Variants in ZZEF1 observed in about 807,000 individuals in gnomAD.
ZZEF1 encodes zinc finger ZZ-type and EF-hand domain containing 1.
Under a neutral mutation model 342.8 loss-of-function variants are expected in ZZEF1, and 157 were observed. That is an observed-to-expected ratio of 0.46 (90% CI 0.40 to 0.52). The LOEUF is 0.52. Ranked by LOEUF, ZZEF1 falls within the 20% of genes least tolerant of loss-of-function variation. The pLI, the probability that ZZEF1 is intolerant of heterozygous loss-of-function variation, is 0.00. For missense variants in ZZEF1, 3,480 were observed against 3,725.6 expected, an observed-to-expected ratio of 0.93 and a Z score of 1.72; for synonymous variants, 1,505 against 1,429.1, an observed-to-expected ratio of 1.05 and a Z score of -1.20.
chr17:4,139,945 T>C (rs1270512782), intron 1 of ZZEF1, among the ~76,000 whole-genome samples: 1 of 152,252 alleles, frequency 6.6e-6, no homozygotes, highest in African/African-American at 2.4e-5. Flanking sequence ...GCCTGTGGGA[T>C]GTAAGCTATG....
intron 2 of ZZEF1, among the ~76,000 whole-genome samples, chr17:4,123,684 C>T (rs1455297622): frequency 2.6e-5 from 4 of 152,160 alleles, no homozygotes; most frequent in Admixed American, 6.6e-5. Flanking sequence ...ATAAGGAAAG[C>T]GGCCACGTGA....
chr17:4,134,735 A>C (rs2145604708), intron 1 of ZZEF1, among the ~76,000 whole-genome samples: 1 of 152,212 alleles, frequency 6.6e-6, no homozygotes, highest in South Asian at 2.1e-4. Context: ...TCCTGGACTG[A>C]TTCCAGATGC....
At chr17:4,036,491 T>G (rs1404836877) in intron 39 of ZZEF1, among the ~76,000 whole-genome samples, 1 of 151,986 alleles carries the variant, frequency 6.6e-6, no homozygotes. Flanking sequence ...TCCCAGCACT[T>G]TGGGAGGCCG....
rs537174567 is a variant in ZZEF1, at chr17:4,074,264, T to C, written c.3571A>G (p.Thr1191Ala). The change falls in exon 24 of 55, where the codon ACT becomes GCT. Residue 1191 changes from threonine to alanine, a missense_variant. By Grantham distance (58) the Thr-to-Ala change is moderately conservative. Transcript: ENST00000381638. ...GCAACATCGGGCAGCCCACAGGCAG[T>C]GACAGTGAATTTGTAGCCCCATTCG... ...HNEWGYKFTVTACGLPDVAVS... is the reference protein window; with the variant it reads ...HNEWGYKFTVAACGLPDVAVS... 86 of 1,614,112 alleles carry C rather than the reference T, an allele frequency of 5.3e-5. No individual in the cohort carries two copies. In the Admixed American group the frequency reaches 6.2e-4, roughly 12 times the overall value.
At chr17:4,037,375 T>C (rs1175310176) in intron 39 of ZZEF1, among the ~76,000 whole-genome samples, 5 of 152,204 alleles carry the variant, frequency 3.3e-5, no homozygotes, top group Non-Finnish European at 2.9e-5. Context: ...ATCTCATCTG[T>C]GATTTTCCTG....
intron 1 of ZZEF1, among the ~76,000 whole-genome samples, chr17:4,126,046 GAA>G (rs550964245): frequency 1.8e-3 from 271 of 151,946 alleles, no homozygotes; most frequent in East Asian, 5.4e-3. Flanking sequence ...CAAAGATGGT[GAA>G]ACCCCGTCTC....
intron 1 of ZZEF1, among the ~76,000 whole-genome samples, chr17:4,133,475 C>T (rs565342591): frequency 1.3e-5 from 2 of 152,260 alleles, no homozygotes; most frequent in East Asian, 3.9e-4. Flanking sequence ...AACCTCTTAG[C>T]TCCATTACTT....
chr17:4,069,171 C>T (rs1461479593), intron 26 of ZZEF1, among the ~76,000 whole-genome samples: 1 of 152,190 alleles, frequency 6.6e-6, no homozygotes, highest in East Asian at 1.9e-4. Context: ...AGCAGGAAGC[C>T]TTCCATTTCT....
At chr17:4,011,451 G>C (rs955484699) in intron 52 of ZZEF1, among the ~76,000 whole-genome samples, 2 of 151,904 alleles carry the variant, frequency 1.3e-5, no homozygotes, top group African/African-American at 4.8e-5. Flanking sequence ...TTTTCAGGTG[G>C]GCTTATGAAA....
At chr17:4,118,792 A>C (rs2058438347) in intron 2 of ZZEF1, among the ~76,000 whole-genome samples, 1 of 152,190 alleles carries the variant, frequency 6.6e-6, no homozygotes, top group Admixed American at 6.5e-5. Context: ...CTGAACCCCT[A>C]AAAATTTCAC....
At chr17:4,073,700 A>G (rs1398515127) in intron 24 of ZZEF1, among the ~76,000 whole-genome samples, 3 of 152,196 alleles carry the variant, frequency 2.0e-5, no homozygotes, top group Non-Finnish European at 4.4e-5. Context: ...TTGGCCTCCT[A>G]AAGTGCTGGG....
At chr17:4,098,599 A>G (rs964431034) in intron 9 of ZZEF1, among the ~76,000 whole-genome samples, 6 of 152,210 alleles carry the variant, frequency 3.9e-5, no homozygotes, top group African/African-American at 1.2e-4. Context: ...TCTAAATGAT[A>G]TAACTCAGCA....
chr17:4,081,547 A>C, intron 17 of ZZEF1, 57 bp from the exon 18 acceptor site: 1 of 1,392,462 alleles, frequency 7.2e-7, no homozygotes, highest in South Asian at 1.2e-5. Context: ...TTTTTATACT[A>C]TTTTAAAAGA....
chr17:4,123,934 G>C lies in ZZEF1; in HGVS notation c.472C>G (p.Gln158Glu). ...LQGELSHIIR[Q>E]LQACSLVPGF... is the part of the protein sequence containing the mutation. Reference sequence around the variant, plus strand: ...GGAACCAGAGAGCAGGCCTGTAGTTGTCTGATGATGTGGCTCAGCTCCCCC... The same window carrying C: ...GGAACCAGAGAGCAGGCCTGTAGTTCTCTGATGATGTGGCTCAGCTCCCCC... Residue 158 changes from glutamine to glutamate, a missense_variant, in exon 2 of 55, where the codon CAA becomes GAA. Transcript: ENST00000381638. 2 of 1,614,010 alleles carry C rather than the reference G, an allele frequency of 1.2e-6. No individual in the cohort carries two copies. Among genetic ancestry groups the C allele is most frequent in the Non-Finnish European group, 1.7e-6 (2 of 1,179,990 alleles).
Position 4,105,204 on chromosome 17 carries a change from G to A in ZZEF1, c.1395-393C>T, listed in dbSNP as rs142492843. On this transcript the variant is annotated intron_variant, in intron 7 of 54. Coordinates refer to ENST00000381638, the MANE Select transcript of ZZEF1 (RefSeq NM_015113.4). ...TAATTTAAACACATTATACTGAAAC[G>A]TTAAAAACTGTCTAGATGGCTCAGG... 1.8e-4 allele frequency among the ~76,000 whole-genome samples: 28 copies of A among 152,282 alleles called. No homozygotes were observed. The East Asian group carries it at 4.6e-3, about 25-fold the overall frequency.
rs1261596903 is a variant in ZZEF1, at chr17:4,005,657, T to A, written c.*1233A>T. The A allele has an allele frequency of 1.3e-5, 2 of 152,374 alleles. No individual in the cohort carries two copies. Among genetic ancestry groups the A allele is most frequent in the Admixed American group, 1.3e-4 (2 of 15,286 alleles). The allele number at this position is 152,374 out of a possible 1,614,324, so 9.4% of individuals were successfully genotyped here. On this transcript the variant is annotated 3_prime_UTR_variant, in exon 55 of 55. Transcript: ENST00000381638. ...GATCTTCAGAGGCCACGGGGCACAC[T>A]GGGCCATGGCAATGCTGACCTGGTC...
chr17:4,055,770 G>C (rs1217936786), intron 33 of ZZEF1, among the ~76,000 whole-genome samples: 1 of 152,176 alleles, frequency 6.6e-6, no homozygotes, highest in African/African-American at 2.4e-5. Context: ...TAGCCCCTCA[G>C]GTTAAAGGTT....
At chr17:4,033,991 T>C (rs2056605423) in intron 40 of ZZEF1, 24 bp downstream of exon 40, 1 of 1,609,784 alleles carries the variant, frequency 6.2e-7, no homozygotes, top group Non-Finnish European at 8.5e-7. Flanking sequence ...GGCAGGTGGT[T>C]AGAGGAGCGA....
chr17:4,081,230 C>G (rs557756266), intron 18 of ZZEF1, 146 bp downstream of exon 18: 1 of 694,274 alleles, frequency 1.4e-6, no homozygotes, highest in East Asian at 2.6e-5. Context: ...GAGCAAGACC[C>G]TATCTCAAAA....
Sources: allele counts gnomAD v4.1 joint callset (sites outside exome capture counted in the v4.1 genomes callset), GRCh38; gene constraint gnomAD v4.1.1; transcripts MANE v1.5; gene names NCBI Gene and HGNC (gene_info 2026-07-23, HGNC 2026-07-21).